DPP6: variants seen among roughly 807,000 people sequenced by gnomAD.
DPP6 encodes dipeptidyl peptidase like 6.
In DPP6, 69 loss-of-function variants were observed where a neutral mutation model predicts 122.6. The ratio of observed to expected loss-of-function variants is 0.56; its 90% CI spans 0.46 to 0.69. DPP6 has a LOEUF of 0.69. Among genes scored for constraint, DPP6 ranks in the 30% least tolerant of loss-of-function variants. DPP6 has a pLI of 0.00. For synonymous variants in DPP6, 418 were observed against 433.1 expected (o/e 0.97, Z 0.43); for missense variants, 928 against 1,116.9 (o/e 0.83, Z 2.41).
chr7:154,500,390 TGA>T (rs1451047506), intron 3 of DPP6, among the ~76,000 whole-genome samples: 1 of 152,164 alleles, frequency 6.6e-6, no homozygotes, highest in African/African-American at 2.4e-5. Context: ...AAAGGAATAG[TGA>T]GAGATAAAGC....
chr7:154,708,658 G>A (rs1054637401), intron 7 of DPP6, among the ~76,000 whole-genome samples: 2 of 151,840 alleles, frequency 1.3e-5, no homozygotes, highest in African/African-American at 2.4e-5. Context: ...ATTTTATTAC[G>A]ATAAAAAAAC....
chr7:154,701,592 A>T (rs1335422472), intron 7 of DPP6, among the ~76,000 whole-genome samples: 1 of 152,156 alleles, frequency 6.6e-6, no homozygotes, highest in East Asian at 1.9e-4. Flanking sequence ...GAGTTACTGG[A>T]GTAGTCCCTG....
At chr7:154,704,088 G>A (rs190770284) in intron 7 of DPP6, among the ~76,000 whole-genome samples, 185 of 152,344 alleles carry the variant, frequency 1.2e-3, no homozygotes, top group Middle Eastern at 3.4e-3. Flanking sequence ...CATTAGAGGA[G>A]GCCAAAATAT....
intron 5 of DPP6, among the ~76,000 whole-genome samples, chr7:154,599,093 C>A (rs574368060): frequency 1.4e-4 from 21 of 152,236 alleles, no homozygotes; most frequent in African/African-American, 5.1e-4. Context: ...TGGGAATGTG[C>A]GTGGTGTGAG....
chr7:154,630,535 T>C (rs1835341906), intron 5 of DPP6, among the ~76,000 whole-genome samples: 1 of 152,200 alleles, frequency 6.6e-6, no homozygotes, highest in Non-Finnish European at 1.5e-5. Context: ...AAAAAGAATG[T>C]ATCTCTCTAA....
intron 8 of DPP6, among the ~76,000 whole-genome samples, chr7:154,741,187 G>C (rs1056779254): frequency 2.0e-5 from 3 of 152,232 alleles, no homozygotes; most frequent in African/African-American, 7.2e-5. Flanking sequence ...GGAAGGTCAT[G>C]CTCTTCTGTC....
chr7:154,740,152 G>A (rs1240131803), intron 8 of DPP6, among the ~76,000 whole-genome samples: 1 of 152,118 alleles, frequency 6.6e-6, no homozygotes, highest in Non-Finnish European at 1.5e-5. Context: ...ATCTTAGGAT[G>A]TTCAGTGACT....
At chr7:153,815,577 T>A in the DPP6 span, among the ~76,000 whole-genome samples, 1 of 151,588 alleles carries the variant, frequency 6.6e-6, no homozygotes, top group African/African-American at 2.4e-5. Context: ...GTCCATGTGT[T>A]CTCATTGTTA....
intron 7 of DPP6, among the ~76,000 whole-genome samples, chr7:154,697,027 G>A (rs1840259028): frequency 6.6e-6 from 1 of 152,154 alleles, no homozygotes; most frequent in Non-Finnish European, 1.5e-5. Flanking sequence ...ATAAAGTAGG[G>A]GTTGAATTCC....
At chr7:154,642,688 C>T (rs1836184287) in intron 6 of DPP6, among the ~76,000 whole-genome samples, 1 of 152,068 alleles carries the variant, frequency 6.6e-6, no homozygotes, top group Admixed American at 6.6e-5. Flanking sequence ...CCTGTAATCC[C>T]AGCACTGTGG....
rs375406434 is a variant in DPP6, at chr7:154,060,217, C to A, written c.243+7154C>A. Among the ~76,000 whole-genome samples, 9 of 143,566 alleles carry A rather than the reference C, an allele frequency of 6.3e-5. 1 individual carries two copies. In the South Asian group the frequency reaches 1.8e-3, roughly 29 times the overall value. 94.2% of individuals were successfully genotyped at this position (143,566 alleles called of 152,430 possible). On this transcript the variant is annotated intron_variant, in intron 1 of 25. Transcript: ENST00000377770. ...CGGGGACTGAGAGCGAGCCCCTCTT[C>A]CCCCCTTTGCTCTTAGGATCCCCAT...
At chr7:153,958,712 G>A (rs1263234586) in intron 1 of DPP6, among the ~76,000 whole-genome samples, 6 of 152,126 alleles carry the variant, frequency 3.9e-5, no homozygotes, top group Admixed American at 2.0e-4. Context: ...AGGACAGCAG[G>A]AACAGACACT....
At chr7:154,650,093 G>A (rs1836773408) in intron 6 of DPP6, among the ~76,000 whole-genome samples, 1 of 152,176 alleles carries the variant, frequency 6.6e-6, no homozygotes, top group African/African-American at 2.4e-5. Flanking sequence ...GTCAACGTGG[G>A]AGGATCTCTT....
intron 5 of DPP6, among the ~76,000 whole-genome samples, chr7:154,628,580 G>T (rs1835223552): frequency 6.6e-6 from 1 of 152,182 alleles, no homozygotes; most frequent in South Asian, 2.1e-4. Flanking sequence ...AGGACAACAT[G>T]TCTTCCCAGA....
intron 1 of DPP6, among the ~76,000 whole-genome samples, chr7:153,948,570 A>C (rs2129019924): frequency 6.6e-6 from 1 of 151,900 alleles, no homozygotes. Context: ...ATACTGAGAT[A>C]ATTGTGGCCC....
At chr7:154,337,545 G>A (rs1244350852) in intron 1 of DPP6, among the ~76,000 whole-genome samples, 1 of 152,138 alleles carries the variant, frequency 6.6e-6, no homozygotes, top group Admixed American at 6.5e-5. Flanking sequence ...TATGACACAG[G>A]CCAAGGTCTA....
intron 6 of DPP6, among the ~76,000 whole-genome samples, chr7:154,656,940 T>G (rs1237160901): frequency 1.1e-4 from 1 of 8,814 alleles, no homozygotes; most frequent in African/African-American, 2.0e-4. Flanking sequence ...GAGGTGCTCA[T>G]GGGTGGGTGG....
At chr7:154,101,476 C>T (rs1316077276) in intron 1 of DPP6, among the ~76,000 whole-genome samples, 1 of 151,262 alleles carries the variant, frequency 6.6e-6, no homozygotes, top group African/African-American at 2.4e-5. Flanking sequence ...GAAGAGTGAA[C>T]AAGGCAGGAC....
intron 21 of DPP6, among the ~76,000 whole-genome samples, chr7:154,883,101 A>C (rs370857226): frequency 6.7e-6 from 1 of 149,986 alleles, no homozygotes; most frequent in African/African-American, 2.5e-5. Flanking sequence ...ACCCATACAC[A>C]TGCTCTCACA....
Sources: gnomAD v4.1 joint callset for allele counts (sites outside exome capture counted in the v4.1 genomes callset) on GRCh38, gnomAD v4.1.1 for gene constraint, MANE v1.5 for transcripts, NCBI Gene and HGNC (gene_info 2026-07-23, HGNC 2026-07-21) for gene names.